Variants in NAV2 observed in about 807,000 individuals in gnomAD.
NAV2 encodes helicase, APC down-regulated 1.
A neutral mutation model predicts 223.2 loss-of-function variants in NAV2; 54 were observed. That is an observed-to-expected ratio of 0.24 (90% confidence interval 0.19 to 0.30). The LOEUF (loss-of-function observed/expected upper bound fraction) is 0.30. Among genes scored for constraint, NAV2 ranks in the 10% least tolerant of loss-of-function variants. The probability of loss-of-function intolerance (pLI) is 1.00; values close to 1 mark genes in which losing one functional copy is unlikely to be tolerated. For synonymous variants in NAV2, 1,279 were observed against 1,239.3 expected, an observed-to-expected ratio of 1.03 and a Z score of -0.67; for missense variants, 2,806 against 3,147.5, an observed-to-expected ratio of 0.89 and a Z score of 2.60.
intron 1 of NAV2, among the ~76,000 whole-genome samples, chr11:19,689,731 C>T (rs2049114749): frequency 6.6e-6 from 1 of 152,162 alleles, no homozygotes; most frequent in African/African-American, 2.4e-5. Context: ...TCAGCTTGCC[C>T]GTTCACTGGC....
chr11:19,637,292 T>C (rs1012651825), intron 1 of NAV2, among the ~76,000 whole-genome samples: 4 of 152,198 alleles, frequency 2.6e-5, no homozygotes, highest in African/African-American at 7.2e-5. Context: ...CACAAACTTC[T>C]GCCTGGTCAG....
In NAV2 at chr11:19,997,275, C is replaced by G. The variant is rs141165247; in HGVS notation, c.2768+13028C>G. On this transcript the variant is annotated intron_variant, in intron 11 of 37. Transcript: ENST00000349880. Reference sequence around the variant, plus strand: ...CACCTAACCAGAAGCTGGTGGAGCACTATGTGGGGAGATGTTGGTGGGCCT... The same window carrying G: ...CACCTAACCAGAAGCTGGTGGAGCAGTATGTGGGGAGATGTTGGTGGGCCT... Among the ~76,000 whole-genome samples, 67 of 152,264 alleles carry G rather than the reference C, an allele frequency of 4.4e-4. No homozygotes were observed. In the East Asian group the frequency reaches 0.013, roughly 29 times the overall value.
At chr11:19,568,664 C>A (rs1411903921) in intron 1 of NAV2, among the ~76,000 whole-genome samples, 1 of 152,186 alleles carries the variant, frequency 6.6e-6, no homozygotes, top group Non-Finnish European at 1.5e-5. Context: ...AGTCCCGGTT[C>A]TTTAGTCCCC....
intron 1 of NAV2, among the ~76,000 whole-genome samples, chr11:19,356,275 G>C (rs1472569022): frequency 6.6e-6 from 1 of 152,184 alleles, no homozygotes; most frequent in African/African-American, 2.4e-5. Flanking sequence ...TATAGGGTCA[G>C]GGGGGAGGAT....
intron 1 of NAV2, among the ~76,000 whole-genome samples, chr11:19,640,672 A>G (rs1028171011): frequency 6.6e-6 from 1 of 152,210 alleles, no homozygotes; most frequent in Non-Finnish European, 1.5e-5. Flanking sequence ...GGATAAGGAT[A>G]AAAGGATGGA....
chr11:19,594,543 A>G (rs1284329509), intron 1 of NAV2, among the ~76,000 whole-genome samples: 2 of 151,958 alleles, frequency 1.3e-5, no homozygotes, highest in Admixed American at 6.6e-5. Context: ...GAGTCAGGAT[A>G]TGAGTTGTCG....
intron 1 of NAV2, among the ~76,000 whole-genome samples, chr11:19,564,966 C>T (rs748594227): frequency 5.9e-5 from 9 of 152,172 alleles, no homozygotes; most frequent in African/African-American, 9.7e-5. Context: ...GAAACCCTAC[C>T]TCTACTAAAA....
At chr11:20,102,800 G>T (rs1393734752) in intron 32 of NAV2, among the ~76,000 whole-genome samples, 1 of 152,104 alleles carries the variant, frequency 6.6e-6, no homozygotes, top group African/African-American at 2.4e-5. Context: ...TACAAAGCTT[G>T]CCCTTTCAGC....
intron 1 of NAV2, among the ~76,000 whole-genome samples, chr11:19,743,017 C>T (rs755406886): frequency 1.2e-4 from 18 of 152,174 alleles, no homozygotes; most frequent in Non-Finnish European, 1.8e-4. Flanking sequence ...GAAGGCAAAA[C>T]CAAGATTAGA....
chr11:20,011,430 T>C (rs1403261378), intron 11 of NAV2, among the ~76,000 whole-genome samples: 1 of 152,236 alleles, frequency 6.6e-6, no homozygotes, highest in African/African-American at 2.4e-5. Flanking sequence ...AGACATTTTG[T>C]TTTTTGAAAG....
At chr11:20,042,042 G>A (rs1211055868) in intron 12 of NAV2, among the ~76,000 whole-genome samples, 1 of 152,172 alleles carries the variant, frequency 6.6e-6, no homozygotes, top group Admixed American at 6.5e-5. Flanking sequence ...CACCATGGGT[G>A]GGAAATCAGT....
intron 1 of NAV2, among the ~76,000 whole-genome samples, chr11:19,366,316 G>C (rs12098981): frequency 0.23 from 35,509 of 152,150 alleles, 4,690 homozygotes; most frequent in East Asian, 0.45. Flanking sequence ...GTGGAGCCCT[G>C]CTAGGCCTGG....
Position 20,119,659 on chromosome 11 carries a change from A to G in NAV2, c.*1401A>G, listed in dbSNP as rs944164956. On this transcript the variant is annotated 3_prime_UTR_variant, in exon 38 of 38. Transcript: ENST00000349880. ...GTTTTGTACTAACTGTGTTCATTTT[A>G]CATAAGTGTCGTGCCTGCCTGGGGT... 6.6e-6 allele frequency: 1 copy of G among 152,536 alleles called. No individual in the cohort carries two copies. The highest frequency in any genetic ancestry group is 2.4e-5 in the African/African-American group (1 of 41,392). The allele number at this position is 152,536 out of a possible 1,614,324, so 9.4% of individuals were successfully genotyped here. A position where few individuals can be genotyped will look rare whatever the true frequency, so the allele number is the denominator to read the frequency against.
chr11:19,449,746 G>T (rs899516007), intron 1 of NAV2, among the ~76,000 whole-genome samples: 1 of 152,158 alleles, frequency 6.6e-6, no homozygotes, highest in South Asian at 2.1e-4. Context: ...GGCCATGAGA[G>T]CACCTTCTAT....
intron 1 of NAV2, among the ~76,000 whole-genome samples, chr11:19,778,688 TTAAGC>T (rs145545794): frequency 6.3e-4 from 96 of 152,354 alleles, no homozygotes; most frequent in African/African-American, 2.3e-3. Flanking sequence ...CTGCCTAACT[TTAAGC>T]TACTATTTTA....
chr11:19,901,772 C>G (rs541127571), intron 6 of NAV2, among the ~76,000 whole-genome samples: 1 of 152,292 alleles, frequency 6.6e-6, no homozygotes, highest in East Asian at 1.9e-4. Context: ...TTGCATAGGT[C>G]TTATTTTCTT....
At chr11:19,649,114 A>G (rs1314007775) in intron 1 of NAV2, among the ~76,000 whole-genome samples, 4 of 152,194 alleles carry the variant, frequency 2.6e-5, no homozygotes, top group Non-Finnish European at 5.9e-5. Context: ...GGCTAATCGT[A>G]GTGTTTCTAT....
At chr11:19,859,159 T>TTTTTTTTTTTTTTTTTTTTTTTTTTG (rs2061546894) in intron 3 of NAV2, among the ~76,000 whole-genome samples, 1 of 121,884 alleles carries the variant, frequency 8.2e-6, no homozygotes, top group Non-Finnish European at 1.8e-5. Context: ...TTTTTTTTTT[T>TTTTTTTTTTTTTTTTTTTTTTTTTTG]ATTGATCATT....
chr11:19,629,507 ACT>A (rs2047283046), intron 1 of NAV2, among the ~76,000 whole-genome samples: 1 of 150,086 alleles, frequency 6.7e-6, no homozygotes, highest in East Asian at 2.0e-4. Context: ...AGACACACAC[ACT>A]CTTTGCCTCT....
Sources: gnomAD v4.1 joint callset for allele counts (sites outside exome capture counted in the v4.1 genomes callset) on GRCh38, gnomAD v4.1.1 for gene constraint, MANE v1.5 for transcripts, NCBI Gene and HGNC (gene_info 2026-07-23, HGNC 2026-07-21) for gene names.